Variants in KCNH7 observed in about 807,000 individuals in gnomAD.
KCNH7 encodes the protein voltage-gated inwardly rectifying potassium channel KCNH7.
A neutral mutation model predicts 120.8 loss-of-function variants in KCNH7; 49 were observed. The observed-to-expected ratio is 0.41, with a 90% confidence interval of 0.32 to 0.51. The LOEUF is 0.51. Among genes scored for constraint, KCNH7 ranks in the 20% least tolerant of loss-of-function variants. KCNH7 has a pLI of 0.38. For synonymous variants in KCNH7, 547 were observed against 516.1 expected (o/e 1.06, Z -0.81); for missense variants, 1,097 against 1,446.6 (o/e 0.76, Z 3.92).
At chr2:162,602,309 C>A (rs1235478026) in intron 2 of KCNH7, among the ~76,000 whole-genome samples, 1 of 151,980 alleles carries the variant, frequency 6.6e-6, no homozygotes, top group African/African-American at 2.4e-5. Context: ...TTAACAAGTT[C>A]ATCCAAGAAA....
chr2:162,638,807 G>A (rs16847048), intron 2 of KCNH7, among the ~76,000 whole-genome samples: 16,626 of 152,032 alleles, frequency 0.11, 1,697 homozygotes, highest in East Asian at 0.3. Context: ...GAGACCAATC[G>A]ATAAGAGGGC....
intron 2 of KCNH7, among the ~76,000 whole-genome samples, chr2:162,737,620 A>G (rs12621061): frequency 0.021 from 3,237 of 152,306 alleles, 72 homozygotes; most frequent in East Asian, 0.11. Flanking sequence ...AATTATATTA[A>G]TGACTAATAG....
At chr2:162,614,754 A>G (rs1174180578) in intron 2 of KCNH7, among the ~76,000 whole-genome samples, 1 of 149,574 alleles carries the variant, frequency 6.7e-6, no homozygotes, top group Non-Finnish European at 1.5e-5. Flanking sequence ...AAAACATGAC[A>G]GGAAGGAAAA....
intron 8 of KCNH7, among the ~76,000 whole-genome samples, chr2:162,429,252 C>G (rs556850594): frequency 2.8e-4 from 42 of 151,742 alleles, no homozygotes; most frequent in African/African-American, 9.2e-4. Context: ...TTTCTTCTTC[C>G]CACTTTTTGG....
At chr2:162,658,816 G>A (rs191742775) in intron 2 of KCNH7, among the ~76,000 whole-genome samples, 8 of 152,208 alleles carry the variant, frequency 5.3e-5, no homozygotes, top group Non-Finnish European at 1.5e-5. Context: ...TTGTACATTA[G>A]CCTTGTATTT....
In KCNH7 at chr2:162,386,020, A is replaced by G. The variant is rs575681968; in HGVS notation, c.2711-1081T>C. On this transcript the variant is annotated intron_variant, in intron 12 of 15. Transcript: ENST00000332142. The stretch of plus-strand genomic sequence containing the variant: ...AAAATCAGTGTTATGCGAAATTGTT[A>G]TTGAGGAGTTCATGTTTTGTCAATT... 3.3e-5 allele frequency among the ~76,000 whole-genome samples: 5 copies of G among 152,012 alleles called. No homozygotes were observed. The South Asian group carries it at 8.3e-4, about 25-fold the overall frequency.
chr2:162,395,007 A>G (rs1299850148), intron 11 of KCNH7, among the ~76,000 whole-genome samples: 1 of 151,882 alleles, frequency 6.6e-6, no homozygotes, highest in Non-Finnish European at 1.5e-5. Context: ...CCACTTAATT[A>G]ATGGTAAATA....
intron 3 of KCNH7, among the ~76,000 whole-genome samples, chr2:162,527,364 C>T (rs150288762): frequency 1.8e-4 from 28 of 152,054 alleles, no homozygotes; most frequent in African/African-American, 6.5e-4. Context: ...ATTACTATTG[C>T]AGCTCTTCAT....
chr2:162,803,379 T>A (rs1232890304), intron 2 of KCNH7, among the ~76,000 whole-genome samples: 1 of 151,742 alleles, frequency 6.6e-6, no homozygotes, highest in East Asian at 1.9e-4. Context: ...TTTTTGTTGA[T>A]CTATTAAATA....
rs12611758 is a variant in KCNH7, at chr2:162,588,194, G to C, written c.308-51114C>G. ...CCACTACTGACCTTCACACCTCTGAGTGTTACCCACAAAATGATATTAGAA... is the reference window on the plus strand; with the variant it reads ...CCACTACTGACCTTCACACCTCTGACTGTTACCCACAAAATGATATTAGAA... On this transcript the variant is annotated intron_variant, in intron 2 of 15. Transcript: ENST00000332142. 0.011 allele frequency among the ~76,000 whole-genome samples: 1,725 copies of C among 152,156 alleles called. 98 individuals are homozygous for C. The East Asian group carries it at 0.18, about 16-fold the overall frequency.
At chr2:162,819,058 C>A (rs1236351624) in intron 2 of KCNH7, among the ~76,000 whole-genome samples, 1 of 152,022 alleles carries the variant, frequency 6.6e-6, no homozygotes, top group East Asian at 1.9e-4. Context: ...TCATGAAAGA[C>A]AAGAAGAGCT....
intron 6 of KCNH7, among the ~76,000 whole-genome samples, chr2:162,492,424 C>T (rs1224790668): frequency 6.6e-6 from 1 of 152,146 alleles, no homozygotes; most frequent in African/African-American, 2.4e-5. Flanking sequence ...TTGGTCTTTG[C>T]CATTTTAATG....
At chr2:162,457,355 A>AG (rs1451755032) in intron 6 of KCNH7, among the ~76,000 whole-genome samples, 1 of 152,166 alleles carries the variant, frequency 6.6e-6, no homozygotes, top group Non-Finnish European at 1.5e-5. Context: ...GAATAAAAAA[A>AG]GGGAAACTCC....
chr2:162,570,513 G>A (rs1425636135), intron 2 of KCNH7, among the ~76,000 whole-genome samples: 4 of 151,956 alleles, frequency 2.6e-5, no homozygotes, highest in African/African-American at 7.3e-5. Context: ...TTTAATTGGA[G>A]CATTTAGTCC....
chr2:162,524,304 G>A (rs891522761), intron 3 of KCNH7, among the ~76,000 whole-genome samples: 3 of 151,992 alleles, frequency 2.0e-5, no homozygotes, highest in African/African-American at 7.2e-5. Context: ...CTGTATCTAC[G>A]AGTCACTGGT....
chr2:162,578,029 G>A (rs1239172112), intron 2 of KCNH7, among the ~76,000 whole-genome samples: 1 of 152,006 alleles, frequency 6.6e-6, no homozygotes, highest in African/African-American at 2.4e-5. Flanking sequence ...TTCTGAGTAT[G>A]CCTAATTCCA....
intron 2 of KCNH7, among the ~76,000 whole-genome samples, chr2:162,789,334 T>G (rs1683835553): frequency 6.6e-6 from 1 of 151,984 alleles, no homozygotes; most frequent in Admixed American, 6.6e-5. Flanking sequence ...ATATACAATA[T>G]CTATTGAAGC....
At position 162,379,931 on chromosome 2, in the gene KCNH7, C is replaced by A; in HGVS notation, c.3053G>T (p.Gly1018Val). The change falls in exon 14 of 16, where the codon GGT becomes GTT. Residue 1018 changes from glycine (G) to valine (V), a missense_variant. Gly to Val is a moderately radical substitution (Grantham distance 109, BLOSUM62 -3). This residue lies in a region of KCNH7 where 406 missense variants were observed against 410.5 expected (regional missense o/e 0.99). Coordinates refer to ENST00000332142, the MANE Select transcript of KCNH7 (RefSeq NM_033272.4). Reference protein sequence around the residue: ...SPSALQRAAWGISETESDLTY... With the variant: ...SPSALQRAAWVISETESDLTY... ...GAGGTCGCTTTCGGTTTCAGAGATACCCCAGGCAGCTCGCTGAAGTGCAGA... is the reference window on the plus strand; with the variant it reads ...GAGGTCGCTTTCGGTTTCAGAGATAACCCAGGCAGCTCGCTGAAGTGCAGA... The A allele has an allele frequency of 6.2e-7, 1 of 1,614,044 alleles. No homozygotes were observed. Among genetic ancestry groups the A allele is most frequent in the Non-Finnish European group, 8.5e-7 (1 of 1,179,952 alleles).
At chr2:162,589,834 T>C (rs1694147424) in intron 2 of KCNH7, among the ~76,000 whole-genome samples, 1 of 152,174 alleles carries the variant, frequency 6.6e-6, no homozygotes, top group South Asian at 2.1e-4. Flanking sequence ...ATTTTGAAAG[T>C]ACTATGTCTG....
Sources: gnomAD v4.1 joint callset for allele counts (sites outside exome capture counted in the v4.1 genomes callset) on GRCh38, gnomAD v4.1.1 for gene constraint, gnomAD v4.1.1 regional missense constraint, MANE v1.5 for transcripts, NCBI Gene and HGNC (gene_info 2026-07-23, HGNC 2026-07-21) for gene names.